Variants in NUP205 observed in about 807,000 individuals in gnomAD.
The protein encoded by NUP205 is nuclear pore complex protein Nup205.
A neutral mutation model predicts 253.8 loss-of-function variants in NUP205; 76 were observed. The ratio of observed to expected loss-of-function variants is 0.30; its 90% confidence interval spans 0.25 to 0.36. NUP205 has a LOEUF of 0.36. Ranked by LOEUF, NUP205 falls within the 10% of genes least tolerant of loss-of-function variation. NUP205 has a pLI of 1.00. For synonymous variants in NUP205, 832 were observed against 850.1 expected (o/e 0.98, Z 0.37); for missense variants, 2,162 against 2,425.5 (o/e 0.89, Z 2.28).
chr7:135,614,044 A>T (rs1318805260), intron 22 of NUP205, 115 bp from the exon 23 acceptor site: 1 of 559,352 alleles, frequency 1.8e-6, no homozygotes, highest in Non-Finnish European at 3.2e-6. Context: ...ATTTTACTTG[A>T]GTTGTTGATG....
Position 135,616,166 on chromosome 7 carries a change from A to G in NUP205, c.3460+101A>G, listed in dbSNP as rs1042699558. 7.7e-6 allele frequency: 8 copies of G among 1,032,694 alleles called. No individual in the cohort carries two copies. The East Asian group carries it at 1.3e-4, about 17-fold the overall frequency. The allele number at this position is 1,032,694 out of a possible 1,614,324, so 64.0% of individuals were successfully genotyped here. ...TAGTATGTGACTATAGACCAAAACT[A>G]TCTTCTCACTTTTAGAATTTTTTTT... is the stretch of plus-strand genomic sequence containing the variant. On this transcript the variant is annotated intron_variant, in intron 24 of 42. Transcript: ENST00000285968.
At chr7:135,567,029 G>A (rs979274716) in intron 1 of NUP205, among the ~76,000 whole-genome samples, 1 of 149,802 alleles carries the variant, frequency 6.7e-6, no homozygotes, top group Non-Finnish European at 1.5e-5. Flanking sequence ...GTGAGCCACT[G>A]CACCCGGCCT....
intron 35 of NUP205, among the ~76,000 whole-genome samples, chr7:135,634,060 A>G (rs990317213): frequency 6.6e-6 from 1 of 152,086 alleles, no homozygotes; most frequent in Non-Finnish European, 1.5e-5. Context: ...TTATCAGCAG[A>G]TTTATTTTGT....
At chr7:135,567,120 CTATGTGTGTATA>C (rs60758668) in intron 1 of NUP205, among the ~76,000 whole-genome samples, 5,335 of 53,442 alleles carry the variant, frequency 0.1, 938 homozygotes, top group South Asian at 0.2. Flanking sequence ...CTTGCTCAGT[CTATGTGTGTATA>C]TATATATATA....
rs745522054 is a variant in NUP205 at position 135,638,006 on chromosome 7, G to T, written c.5212G>T (p.Val1738Leu). Residue 1738 changes from valine to leucine, a missense_variant, in exon 37 of 43, where the codon GTG (valine) becomes TTG (leucine). Physicochemically the swap from Val to Leu is conservative, Grantham distance 32. This residue lies in a region of NUP205 where 1,144 missense variants were observed against 1,280.9 expected (regional missense o/e 0.89). Transcript: ENST00000285968. ...TCAGTTTAAATTTCAAGACGATAAT[G>T]TGGAGGGAGATAAAGTAAGCAAGAA... ...LRQFKFQDDN[V>L]EGDKVSKKDE... 2.5e-6 allele frequency: 4 copies of T among 1,613,984 alleles called. No homozygotes were observed. Among genetic ancestry groups the T allele is most frequent in the Middle Eastern group, 1.6e-4 (1 of 6,084 alleles).
chr7:135,612,808 CAA>C (rs1234863071), intron 22 of NUP205, among the ~76,000 whole-genome samples: 2 of 152,128 alleles, frequency 1.3e-5, no homozygotes, highest in East Asian at 3.8e-4. Flanking sequence ...CAAAGACTAT[CAA>C]GAGTTTTGGC....
intron 37 of NUP205, 141 bp from the exon 38 acceptor site, chr7:135,638,416 A>G: frequency 4.8e-6 from 2 of 414,508 alleles, no homozygotes; most frequent in Admixed American, 4.7e-5. Context: ...CTCCATCTGA[A>G]AAAAAAAAAA....
intron 36 of NUP205, among the ~76,000 whole-genome samples, chr7:135,637,717 A>AT (rs1794835330): frequency 6.6e-6 from 1 of 152,216 alleles, no homozygotes. Flanking sequence ...TTAAAAAAAA[A>AT]GGGTACTCTT....
chr7:135,628,424 A>T, intron 34 of NUP205, among the ~76,000 whole-genome samples: 1 of 152,174 alleles, frequency 6.6e-6, no homozygotes, highest in Non-Finnish European at 1.5e-5. Flanking sequence ...GTGTAATTTA[A>T]CCAGGTATCT....
rs1002256505 is a variant in NUP205 at position 135,625,321 on chromosome 7, T to C, written c.4637T>C (p.Leu1546Pro). The change falls in exon 32 of 43, where the codon CTT becomes CCT. Residue 1546 changes from leucine to proline, a missense_variant. Around this residue, in one of 5 missense-constraint regions of NUP205, gnomAD observed 1,144 missense variants for 1,280.9 expected, o/e 0.89. Transcript: ENST00000285968. ...AGCTTACTCACCCCACAGCCTCCCC[T>C]TTTAAAAGCACTTTATACTTATGAA... ...LQSLLTPQPPLLKALYTYESK... is the reference protein window; with the variant it reads ...LQSLLTPQPPPLKALYTYESK... 1.2e-6 allele frequency: 2 copies of C among 1,610,266 alleles called. No individual in the cohort carries two copies. The highest frequency in any genetic ancestry group is 1.7e-5 in the Admixed American group (1 of 58,488).
chr7:135,562,449 C>T (rs796786950), intron 1 of NUP205, among the ~76,000 whole-genome samples: 25 of 151,922 alleles, frequency 1.6e-4, no homozygotes, highest in African/African-American at 3.4e-4. Context: ...TCACCTGCCT[C>T]GGCCTCCCAA....
chr7:135,645,626 A>G (rs766730139), intron 41 of NUP205, 30 bp downstream of exon 41: 20 of 1,599,216 alleles, frequency 1.3e-5, no homozygotes, highest in Middle Eastern at 3.3e-4. Context: ...TTAATGAACC[A>G]TAAATACCTA....
intron 1 of NUP205, among the ~76,000 whole-genome samples, chr7:135,568,394 G>T (rs866197748): frequency 1.3e-5 from 2 of 151,532 alleles, no homozygotes; most frequent in Non-Finnish European, 2.9e-5. Flanking sequence ...GTGCAGTGGC[G>T]TGATCTTGGC....
chr7:135,575,624 A>G (rs574661602), intron 3 of NUP205, among the ~76,000 whole-genome samples: 1 of 152,306 alleles, frequency 6.6e-6, no homozygotes, highest in South Asian at 2.1e-4. Context: ...GTGAAATGCC[A>G]TCGCTACTAA....
chr7:135,599,485 A>C (rs1244161422), intron 15 of NUP205, among the ~76,000 whole-genome samples: 1 of 152,224 alleles, frequency 6.6e-6, no homozygotes, highest in Non-Finnish European at 1.5e-5. Context: ...CAATAACAGC[A>C]ACCATGCCTC....
At chr7:135,590,101 T>TTTTATTTA (rs34590734) in intron 10 of NUP205, among the ~76,000 whole-genome samples, 29 of 149,968 alleles carry the variant, frequency 1.9e-4, no homozygotes, top group Middle Eastern at 7.1e-3. Context: ...TATATTATTA[T>TTTTATTTA]TTTATTTATT....
rs533881177 is a variant in NUP205 at position 135,606,612 on chromosome 7, A to G, written c.2906-139A>G. 21 of 662,160 alleles carry G rather than the reference A, an allele frequency of 3.2e-5. No homozygotes were observed. The African/African-American group carries it at 3.4e-4, about 11-fold the overall frequency. The allele number at this position is 662,160 out of a possible 1,614,324, so 41.0% of individuals were successfully genotyped here. On this transcript the variant is annotated intron_variant, in intron 20 of 42. Coordinates refer to ENST00000285968, the MANE Select transcript of NUP205 (RefSeq NM_015135.3). Reference sequence around the variant, plus strand: ...GTTTTTAGGATTCCACTTTAAATAAATCTGAAATGAATGTGATAGATAATC... The same window carrying G: ...GTTTTTAGGATTCCACTTTAAATAAGTCTGAAATGAATGTGATAGATAATC...
At position 135,606,788 on chromosome 7, in the gene NUP205, T is replaced by C. The variant is rs561227495; in HGVS notation, c.2943T>C (p.His981=). Residue 981 remains histidine (H), a synonymous_variant, in exon 21 of 43, where the codon CAT becomes CAC. Coordinates refer to ENST00000285968, the MANE Select transcript of NUP205 (RefSeq NM_015135.3). ...ELEKKLVAIR[H]ETRIHILNLL... is the part of the protein sequence containing the mutation. ...AAAAGAAATTAGTTGCAATTCGTCA[T>C]GAAACAAGAATCCACATCTTGAATC... 6.2e-7 allele frequency: 1 copy of C among 1,613,942 alleles called. No individual in the cohort carries two copies. Among genetic ancestry groups the C allele is most frequent in the Admixed American group, 1.7e-5 (1 of 60,020 alleles).
At chr7:135,593,649 AAT>A (rs1416615369) in intron 12 of NUP205, among the ~76,000 whole-genome samples, 1 of 152,184 alleles carries the variant, frequency 6.6e-6, no homozygotes, top group Non-Finnish European at 1.5e-5. Flanking sequence ...GACTGTATAT[AAT>A]TTCCCAACTC....
Sources: allele counts gnomAD v4.1 joint callset (sites outside exome capture counted in the v4.1 genomes callset), GRCh38; gene constraint gnomAD v4.1.1; regional missense constraint gnomAD v4.1.1; transcripts MANE v1.5; gene names NCBI Gene and HGNC (gene_info 2026-07-23, HGNC 2026-07-21).